Variants in SLC25A27 observed in about 807,000 individuals in gnomAD.
SLC25A27 encodes mitochondrial uncoupling protein 4.
Under a neutral mutation model 49.1 loss-of-function variants are expected in SLC25A27, and 35 were observed. The observed-to-expected ratio is 0.71, with a 90% confidence interval of 0.54 to 0.95. The LOEUF is 0.95. Ranked by LOEUF, SLC25A27 falls within the 40% of genes least tolerant of loss-of-function variation. The pLI, the probability that SLC25A27 is intolerant of heterozygous loss-of-function variation, is 0.00. For synonymous variants in SLC25A27, 144 were observed against 136.9 expected (o/e 1.05, Z -0.36); for missense variants, 339 against 397.1 (o/e 0.85, Z 1.24).
chr6:46,669,618 C>A (rs561498213), intron 6 of SLC25A27, among the ~76,000 whole-genome samples: 5 of 152,110 alleles, frequency 3.3e-5, no homozygotes, highest in South Asian at 2.1e-4. Context: ...GTGAATTTAA[C>A]CACTCCAAGA....
intron 3 of SLC25A27, among the ~76,000 whole-genome samples, chr6:46,661,125 A>G (rs1239595521): frequency 6.6e-6 from 1 of 152,234 alleles, no homozygotes; most frequent in Non-Finnish European, 1.5e-5. Flanking sequence ...AGAATTATGT[A>G]AAAAATACAG....
At chr6:46,654,115 G>C (rs1442737253) in intron 1 of SLC25A27, 1 of 985,206 alleles carries the variant, frequency 1.0e-6, no homozygotes, top group African/African-American at 1.7e-5. Context: ...GAATGAGCAA[G>C]TAGCGTTTAT....
rs1332037494 is a variant in SLC25A27, at chr6:46,670,178, G to C, written c.748G>C (p.Asp250His). The C allele has an allele frequency of 6.2e-7, 1 of 1,612,432 alleles. No homozygotes were observed. The highest frequency in any genetic ancestry group is 1.7e-5 in the Admixed American group (1 of 59,772). Residue 250 changes from aspartate (D) to histidine (H), a missense_variant, in exon 7 of 9, where the codon GAT becomes CAT. Transcript: ENST00000371347. ...AGCTTCTATTCTGGGAACACCAGCC[G>C]ATGTCATCAAAAGCAGAATAATGAA... is the stretch of plus-strand genomic sequence containing the variant. The part of the protein sequence containing the change: ...LVASILGTPA[D>H]VIKSRIMNQP...
intron 6 of SLC25A27, 23 bp downstream of exon 6, chr6:46,668,816 T>C: frequency 7.3e-7 from 1 of 1,370,946 alleles, no homozygotes. Flanking sequence ...TTAGTTGGAC[T>C]CTGTTTTTTT....
In SLC25A27 at chr6:46,659,725, G is replaced by A. The variant is rs991788679; in HGVS notation, c.383+679G>A. ...AAAAAATTAGCTGGGTTTGGTGGTG[G>A]GGGACTGTAATCCAAGCTACACAGG... is the stretch of plus-strand genomic sequence containing the variant. On this transcript the variant is annotated intron_variant, in intron 3 of 8. Coordinates refer to ENST00000371347, the MANE Select transcript of SLC25A27 (RefSeq NM_004277.5). Among the ~76,000 whole-genome samples, 4 of 151,760 alleles carry A rather than the reference G, an allele frequency of 2.6e-5. No individual in the cohort carries two copies. In the South Asian group the frequency reaches 8.3e-4, roughly 32 times the overall value.
intron 2 of SLC25A27, chr6:46,658,747 C>G (rs1763069135): frequency 1.8e-6 from 1 of 559,942 alleles, no homozygotes. Context: ...CTAGAAAGAT[C>G]AGACAGTGTG....
Position 46,659,005 on chromosome 6 carries a change from G to A in SLC25A27, c.342G>A (p.Glu114=), listed in dbSNP as rs771972672. ...TGGTCACATATGAACATCTCCGAGAGGTTGTGTTTGGCAAAAGTGAAGATG... is the reference window on the plus strand; with the variant it reads ...TGGTCACATATGAACATCTCCGAGAAGTTGTGTTTGGCAAAAGTGAAGATG... The part of the protein sequence containing the change: ...GRMVTYEHLR[E]VVFGKSEDEH... The change falls in exon 3 of 9, where the codon GAG becomes GAA. Residue 114 remains glutamate, a synonymous_variant. Coordinates refer to ENST00000371347, the MANE Select transcript of SLC25A27 (RefSeq NM_004277.5). The A allele has an allele frequency of 1.2e-6, 2 of 1,613,574 alleles. No homozygotes were observed. Among genetic ancestry groups the A allele is most frequent in the Non-Finnish European group, 1.7e-6 (2 of 1,179,702 alleles).
rs532579207 is a variant in SLC25A27 at position 46,656,341 on chromosome 6, C to T, written c.298+307C>T. Among the ~76,000 whole-genome samples, 43 of 150,286 alleles carry T rather than the reference C, an allele frequency of 2.9e-4. No individual in the cohort carries two copies. In the East Asian group the frequency reaches 7.8e-3, roughly 27 times the overall value. On this transcript the variant is annotated intron_variant, in intron 2 of 8. Coordinates refer to ENST00000371347, the MANE Select transcript of SLC25A27 (RefSeq NM_004277.5). ...GACTACAGGTGCACGCCACCACACC[C>T]AGCTAATTTTTTTTTTTTTTTTTTT... is the stretch of plus-strand genomic sequence containing the variant.
chr6:46,674,972 A>G (rs1763711511), intron 8 of SLC25A27, among the ~76,000 whole-genome samples: 1 of 152,168 alleles, frequency 6.6e-6, no homozygotes, highest in African/African-American at 2.4e-5. Context: ...GTTCATATAC[A>G]CTGGATTATT....
intron 8 of SLC25A27, among the ~76,000 whole-genome samples, chr6:46,675,653 A>C (rs1763750306): frequency 6.6e-6 from 1 of 152,170 alleles, no homozygotes; most frequent in South Asian, 2.1e-4. Context: ...AGGAATTATT[A>C]GATCCAAGGC....
rs778811026 is a variant in SLC25A27, at chr6:46,676,707, G to A, written c.*253G>A. 1 of 1,549,462 alleles carries A rather than the reference G, an allele frequency of 6.5e-7. No individual in the cohort carries two copies. Among genetic ancestry groups the A allele is most frequent in the Non-Finnish European group, 8.7e-7 (1 of 1,145,930 alleles). ...ACCCCGCACAGCATTTTCTAAAGAA[G>A]AATCGAAGCCTGACCACTTTCACCT... On this transcript the variant is annotated 3_prime_UTR_variant, in exon 9 of 9. Transcript: ENST00000371347.
Position 46,653,228 on chromosome 6 carries a change from G to C in SLC25A27, c.36G>C (p.Pro12=). 6.2e-7 allele frequency: 1 copy of C among 1,613,646 alleles called. No individual in the cohort carries two copies. Among genetic ancestry groups the C allele is most frequent in the Non-Finnish European group, 8.5e-7 (1 of 1,179,734 alleles). The change falls in exon 1 of 9, where the codon CCG becomes CCC. Residue 12 remains proline, a synonymous_variant. Coordinates refer to ENST00000371347, the MANE Select transcript of SLC25A27 (RefSeq NM_004277.5). The part of the protein sequence containing the change: ...SVPEEEERLL[P]LTQRWPRASK... ...CGGAGGAGGAGGAGAGGCTTTTGCC[G>C]CTGACCCAGAGATGGCCCCGAGCGA... is the stretch of plus-strand genomic sequence containing the variant.
chr6:46,653,348 G>A (rs778044079), intron 1 of SLC25A27, 50 bp downstream of exon 1: 35 of 1,565,466 alleles, frequency 2.2e-5, no homozygotes, highest in Middle Eastern at 3.4e-4. Flanking sequence ...CACGCGCCGC[G>A]CTGGGGGAGG....
In SLC25A27 at chr6:46,653,074, G is replaced by A. The variant is rs1156581867; in HGVS notation, c.-119G>A. On this transcript the variant is annotated 5_prime_UTR_variant, in exon 1 of 9. It removes an upstream start codon present in the reference 5' UTR. Coordinates refer to ENST00000371347, the MANE Select transcript of SLC25A27 (RefSeq NM_004277.5). ...CCCGGCCGAGCCGAACGAGGGAAATGGTCCTCACCCGGCCACTCGCCGGTT... is the reference window on the plus strand; with the variant it reads ...CCCGGCCGAGCCGAACGAGGGAAATAGTCCTCACCCGGCCACTCGCCGGTT... 2 of 924,674 alleles carry A rather than the reference G, an allele frequency of 2.2e-6. No homozygotes were observed. The highest frequency in any genetic ancestry group is 1.6e-5 in the African/African-American group (1 of 60,808). 57.3% of individuals were successfully genotyped at this position (924,674 alleles called of 1,614,324 possible).
At chr6:46,663,730 G>A (rs1258095875) in intron 4 of SLC25A27, among the ~76,000 whole-genome samples, 1 of 39,658 alleles carries the variant, frequency 2.5e-5, no homozygotes, top group African/African-American at 3.2e-4. Flanking sequence ...CCTGTAATAG[G>A]GGACAAGTTA....
At position 46,655,539 on chromosome 6, in the gene SLC25A27, T is replaced by G. The variant is rs1386956346; in HGVS notation, c.107-304T>G. Among the ~76,000 whole-genome samples, 30 of 20,310 alleles carry G rather than the reference T, an allele frequency of 1.5e-3. 1 individual carries two copies. The highest frequency in any genetic ancestry group is 5.0e-3 in the African/African-American group (22 of 4,394). The allele number at this position is 20,310 out of a possible 152,430, so 13.3% of individuals were successfully genotyped here. A position where few individuals can be genotyped will look rare whatever the true frequency, so the allele number is the denominator to read the frequency against. On this transcript the variant is annotated intron_variant, in intron 1 of 8. Coordinates refer to ENST00000371347, the MANE Select transcript of SLC25A27 (RefSeq NM_004277.5). The stretch of plus-strand genomic sequence containing the variant: ...TAATTTTTATTGTTAATGTTTGTTT[T>G]TTTTTTTTTTTTTTTTTTTTTTTTT...
At chr6:46,668,342 A>G (rs1172978016) in intron 5 of SLC25A27, among the ~76,000 whole-genome samples, 2 of 152,208 alleles carry the variant, frequency 1.3e-5, no homozygotes, top group Non-Finnish European at 2.9e-5. Flanking sequence ...TTGAAAATGT[A>G]TAAAATGCTT....
chr6:46,656,295 C>T lies in SLC25A27; in HGVS notation c.298+261C>T, dbSNP rs187978636. ...TCCCAGGTTCAAGCGATTCTCCTGA[C>T]TCAGCCTCCTGAGTAGCTGGGACTA... On this transcript the variant is annotated intron_variant, in intron 2 of 8. Coordinates refer to ENST00000371347, the MANE Select transcript of SLC25A27 (RefSeq NM_004277.5). Among the ~76,000 whole-genome samples the T allele has an allele frequency of 7.6e-3, 1,150 of 151,848 alleles. 14 individuals are homozygous for T. Among genetic ancestry groups the T allele is most frequent in the African/African-American group, 0.026 (1,073 of 41,402 alleles).
At chr6:46,673,650 T>C (rs1407193232) in intron 8 of SLC25A27, among the ~76,000 whole-genome samples, 1 of 152,028 alleles carries the variant, frequency 6.6e-6, no homozygotes, top group Non-Finnish European at 1.5e-5. Context: ...CTACAGAAAA[T>C]TCAGTCTGGT....
Sources: allele counts gnomAD v4.1 joint callset (sites outside exome capture counted in the v4.1 genomes callset), GRCh38; gene constraint gnomAD v4.1.1; transcripts MANE v1.5; gene names NCBI Gene and HGNC (gene_info 2026-07-23, HGNC 2026-07-21).